GLI3: variants seen among roughly 807,000 people sequenced by gnomAD.
GLI3 encodes transcription activator GLI3.
GLI3 carries 20 observed loss-of-function variants against 100.8 expected under a neutral mutation model. The ratio of observed to expected loss-of-function variants is 0.20; its 90% confidence interval spans 0.14 to 0.29. GLI3 has a LOEUF of 0.29. Among genes scored for constraint, GLI3 ranks in the 10% least tolerant of loss-of-function variants. The probability of loss-of-function intolerance (pLI) is 1.00; values close to 1 mark genes in which losing one functional copy is unlikely to be tolerated. For missense variants in GLI3, 2,040 were observed against 2,128.5 expected (o/e 0.96, Z 0.82); for synonymous variants, 938 against 860.5 (o/e 1.09, Z -1.58).
intron 10 of GLI3, among the ~76,000 whole-genome samples, chr7:42,006,177 A>G (rs1788455973): frequency 6.6e-6 from 1 of 152,224 alleles, no homozygotes; most frequent in Admixed American, 6.5e-5. Context: ...GAAGGGCAAC[A>G]TTGCCCAGAA....
intron 2 of GLI3, among the ~76,000 whole-genome samples, chr7:42,153,845 T>C (rs983901852): frequency 6.6e-6 from 1 of 152,180 alleles, no homozygotes; most frequent in Non-Finnish European, 1.5e-5. Flanking sequence ...CCCATCATTA[T>C]TTACATCATC....
At chr7:42,099,606 C>T (rs921400665) in intron 3 of GLI3, among the ~76,000 whole-genome samples, 2 of 152,044 alleles carry the variant, frequency 1.3e-5, no homozygotes, top group African/African-American at 4.8e-5. Flanking sequence ...TGCAGAGGTG[C>T]GATCACAGCT....
chr7:41,998,410 G>A (rs1414404581), intron 10 of GLI3, among the ~76,000 whole-genome samples: 1 of 152,180 alleles, frequency 6.6e-6, no homozygotes. Context: ...GCAAACAGCT[G>A]CTTCCCACCA....
In GLI3 at chr7:42,237,013, C is replaced by G. The variant is rs1342795821; in HGVS notation, c.-85G>C. 6.6e-6 allele frequency: 1 copy of G among 151,094 alleles called. No individual in the cohort carries two copies. The highest frequency in any genetic ancestry group is 6.6e-5 in the Admixed American group (1 of 15,186). The allele number at this position is 151,094 out of a possible 1,614,324, so 9.4% of individuals were successfully genotyped here. ...GTCAAGTCCCCGAACTTCCCATAGA[C>G]CCGCGGACGGGGCGCAGGCTGGCGG... On this transcript the variant is annotated 5_prime_UTR_variant, in exon 1 of 15. Transcript: ENST00000395925.
chr7:42,161,662 A>G (rs1353901388), intron 2 of GLI3, among the ~76,000 whole-genome samples: 5 of 152,220 alleles, frequency 3.3e-5, no homozygotes, highest in African/African-American at 1.2e-4. Flanking sequence ...CCAAAGTCAC[A>G]AAGTTAGTAA....
intron 2 of GLI3, among the ~76,000 whole-genome samples, chr7:42,168,280 G>A (rs1419012282): frequency 6.6e-6 from 1 of 152,188 alleles, no homozygotes; most frequent in African/African-American, 2.4e-5. Flanking sequence ...TGCCAAGTCT[G>A]TGCTGTTCTT....
upstream of GLI3, among the ~76,000 whole-genome samples, chr7:42,238,070 G>A (rs906478171): frequency 7.0e-6 from 1 of 143,560 alleles, no homozygotes; most frequent in African/African-American, 2.6e-5. Flanking sequence ...TCTTCACACA[G>A]ACACATTCAT....
At chr7:42,147,098 A>G (rs899546390) in intron 3 of GLI3, among the ~76,000 whole-genome samples, 2 of 152,006 alleles carry the variant, frequency 1.3e-5, no homozygotes, top group Non-Finnish European at 2.9e-5. Flanking sequence ...TTTTCCAACA[A>G]TATAATCTGG....
chr7:42,234,666 C>T (rs1788755400), intron 1 of GLI3, among the ~76,000 whole-genome samples: 1 of 152,128 alleles, frequency 6.6e-6, no homozygotes, highest in African/African-American at 2.4e-5. Context: ...TACCAGCCTA[C>T]TAACAATAAT....
chr7:42,200,706 A>T (rs1326158494), intron 2 of GLI3, among the ~76,000 whole-genome samples: 1 of 152,200 alleles, frequency 6.6e-6, no homozygotes, highest in Non-Finnish European at 1.5e-5. Context: ...TATGAGAAGG[A>T]AGGTCAGGCT....
At chr7:42,212,064 T>C (rs576085919) in intron 2 of GLI3, among the ~76,000 whole-genome samples, 16 of 152,378 alleles carry the variant, frequency 1.1e-4, no homozygotes, top group African/African-American at 3.6e-4. Context: ...GTTACAGTCG[T>C]GAGCAGTTCC....
At chr7:42,247,900 G>A (rs1399382487) in intron 1 of GLI3, among the ~76,000 whole-genome samples, 1 of 152,186 alleles carries the variant, frequency 6.6e-6, no homozygotes, top group African/African-American at 2.4e-5. Context: ...AATAAAATGA[G>A]CTCGTCCTAG....
chr7:41,997,271 G>A (rs1788152800), intron 10 of GLI3, among the ~76,000 whole-genome samples: 1 of 152,026 alleles, frequency 6.6e-6, no homozygotes, highest in African/African-American at 2.4e-5. Flanking sequence ...GAGAAGTCCA[G>A]CTTTTTTTTT....
At chr7:42,200,515 T>A (rs1193596681) in intron 2 of GLI3, among the ~76,000 whole-genome samples, 1 of 152,182 alleles carries the variant, frequency 6.6e-6, no homozygotes, top group African/African-American at 2.4e-5. Context: ...TTAAAGTGCC[T>A]TTGAAGGACA....
At chr7:42,213,923 C>T (rs1476615348) in intron 2 of GLI3, among the ~76,000 whole-genome samples, 1 of 152,254 alleles carries the variant, frequency 6.6e-6, no homozygotes, top group Non-Finnish European at 1.5e-5. Flanking sequence ...CAGGGCTGTC[C>T]CCAGAAACCC....
chr7:42,191,228 T>C (rs1481244476), intron 2 of GLI3, among the ~76,000 whole-genome samples: 5 of 152,032 alleles, frequency 3.3e-5, no homozygotes, highest in Admixed American at 1.3e-4. Flanking sequence ...ATAAGACAAA[T>C]AAAACATTTA....
At chr7:42,223,820 T>C (rs1243450254) in intron 1 of GLI3, among the ~76,000 whole-genome samples, 3 of 152,250 alleles carry the variant, frequency 2.0e-5, no homozygotes, top group South Asian at 2.1e-4. Flanking sequence ...TCAGTGATTT[T>C]TGCCTCTTTC....
chr7:42,086,179 A>G (rs969015513), intron 3 of GLI3, among the ~76,000 whole-genome samples: 1 of 152,190 alleles, frequency 6.6e-6, no homozygotes, highest in Non-Finnish European at 1.5e-5. Flanking sequence ...GCAATGTGCA[A>G]TGCCTTTTAG....
At chr7:42,142,952 A>T (rs1035246483) in intron 3 of GLI3, among the ~76,000 whole-genome samples, 2 of 151,506 alleles carry the variant, frequency 1.3e-5, no homozygotes, top group African/African-American at 4.8e-5. Flanking sequence ...AAAAAAAAAA[A>T]AAAAGGCTAT....
Sources: gnomAD v4.1 joint callset for allele counts (sites outside exome capture counted in the v4.1 genomes callset) on GRCh38, gnomAD v4.1.1 for gene constraint, MANE v1.5 for transcripts, NCBI Gene and HGNC (gene_info 2026-07-23, HGNC 2026-07-21) for gene names.